NINL: variants seen among roughly 807,000 people sequenced by gnomAD.
NINL encodes ninein-like protein.
Under a neutral mutation model 160.3 loss-of-function variants are expected in NINL, and 153 were observed. The ratio of observed to expected loss-of-function variants is 0.95; its 90% CI spans 0.84 to 1.09. The LOEUF is 1.09. Ranked by LOEUF, NINL falls within the 50% of genes least tolerant of loss-of-function variation. The pLI is 0.00. For synonymous variants in NINL, 800 were observed against 734.8 expected (o/e 1.09, Z -1.43); for missense variants, 1,829 against 1,764.0 (o/e 1.04, Z -0.66).
intron 23 of NINL, among the ~76,000 whole-genome samples, chr20:25,454,965 C>G (rs1302686259): frequency 1.3e-5 from 2 of 152,108 alleles, no homozygotes; most frequent in Admixed American, 6.5e-5. Context: ...ATGATAAAAC[C>G]CAAACCCCTG....
intron 1 of NINL, among the ~76,000 whole-genome samples, chr20:25,548,613 G>A (rs1209167673): frequency 1.5e-5 from 2 of 130,844 alleles, no homozygotes; most frequent in African/African-American, 2.9e-5. Context: ...GCCTGACCCC[G>A]AGCACCTACG....
chr20:25,545,134 G>C (rs1299703842), intron 1 of NINL, among the ~76,000 whole-genome samples: 1 of 152,186 alleles, frequency 6.6e-6, no homozygotes, highest in Non-Finnish European at 1.5e-5. Flanking sequence ...TTCCTTTAAA[G>C]TGCAGAAGGC....
intron 1 of NINL, among the ~76,000 whole-genome samples, chr20:25,584,116 C>T (rs1428969742): frequency 6.6e-6 from 1 of 152,148 alleles, no homozygotes; most frequent in Non-Finnish European, 1.5e-5. Flanking sequence ...CAAACCAGAA[C>T]GTTCTGCACA....
chr20:25,556,918 CA>C (rs1412466366), intron 1 of NINL, among the ~76,000 whole-genome samples: 2 of 152,040 alleles, frequency 1.3e-5, no homozygotes, highest in Non-Finnish European at 1.5e-5. Context: ...TGAGAGCAAC[CA>C]AAAACAGGAG....
At position 25,467,586 on chromosome 20, in the gene NINL, T is replaced by G. The variant is rs1225793266; in HGVS notation, c.3354-128A>C. 4 of 724,114 alleles carry G rather than the reference T, an allele frequency of 5.5e-6. No homozygotes were observed. The African/African-American group carries it at 6.9e-5, about 13-fold the overall frequency. 44.9% of individuals were successfully genotyped at this position (724,114 alleles called of 1,614,324 possible). A position where few individuals can be genotyped will look rare whatever the true frequency, so the allele number is the denominator to read the frequency against. ...CAGCAGAGACGCCCACACCTGCCCC[T>G]GGCATTCTCCAGCCCCTCTCAGTCC... On this transcript the variant is annotated intron_variant, in intron 18 of 23. Coordinates refer to ENST00000278886, the MANE Select transcript of NINL (RefSeq NM_025176.6).
At position 25,476,527 on chromosome 20, in the gene NINL, C is replaced by G; in HGVS notation, c.2764G>C (p.Glu922Gln). The change falls in exon 17 of 24, where the codon GAG (glutamate) becomes CAG (glutamine). Residue 922 changes from glutamate (E) to glutamine (Q), a missense_variant. Coordinates refer to ENST00000278886, the MANE Select transcript of NINL (RefSeq NM_025176.6). ...GCGCTCGCGCCGAAAGGCTCTGGCT[C>G]CTTTGGGACAATATCCCCATCCACT... Reference protein sequence around the residue: ...CGVDGDIVPKEPEPFGASAAG... With the variant: ...CGVDGDIVPKQPEPFGASAAG... 5.6e-6 allele frequency: 9 copies of G among 1,601,062 alleles called. No homozygotes were observed. Among genetic ancestry groups the G allele is most frequent in the Non-Finnish European group, 7.6e-6 (9 of 1,179,838 alleles).
At chr20:25,479,786 C>T (rs954770016) in intron 15 of NINL, among the ~76,000 whole-genome samples, 1 of 152,232 alleles carries the variant, frequency 6.6e-6, no homozygotes, top group Non-Finnish European at 1.5e-5. Context: ...GGCCTCAAAG[C>T]CACTGAGCTA....
intron 1 of NINL, among the ~76,000 whole-genome samples, chr20:25,561,690 G>A (rs368949037): frequency 0.16 from 23,011 of 145,022 alleles, 2,027 homozygotes; most frequent in East Asian, 0.34. Flanking sequence ...CCGCCGCCCC[G>A]TCTGGGATGT....
At chr20:25,504,199 G>T in intron 6 of NINL, 95 bp from the exon 7 acceptor site, 1 of 1,328,752 alleles carries the variant, frequency 7.5e-7, no homozygotes, top group South Asian at 1.4e-5. Context: ...CTGGTTCCAA[G>T]TACCCAACAA....
chr20:25,515,088 T>C (rs993844403), intron 3 of NINL, among the ~76,000 whole-genome samples: 4 of 152,134 alleles, frequency 2.6e-5, no homozygotes, highest in East Asian at 1.9e-4. Context: ...GACCCTAGAA[T>C]GGTAGATCCA....
At chr20:25,453,741 G>GT (rs2090594860) in intron 23 of NINL, 99 bp from the exon 24 acceptor site, 1 of 1,151,652 alleles carries the variant, frequency 8.7e-7, no homozygotes, top group Non-Finnish European at 1.2e-6. Flanking sequence ...GCAAACCACA[G>GT]TTTTGGGCTC....
chr20:25,540,141 G>A, intron 1 of NINL: 1 of 808,366 alleles, frequency 1.2e-6, no homozygotes, highest in Non-Finnish European at 1.8e-6. Flanking sequence ...AATCTGGCCA[G>A]CATTCAGCAG....
intron 1 of NINL, among the ~76,000 whole-genome samples, chr20:25,535,713 A>G (rs933071530): frequency 6.6e-6 from 1 of 152,100 alleles, no homozygotes; most frequent in African/African-American, 2.4e-5. Context: ...ATAAAGAAAG[A>G]AAAGTGTTCA....
chr20:25,470,200 C>T, intron 17 of NINL, 105 bp from the exon 18 acceptor site: 1 of 831,270 alleles, frequency 1.2e-6, no homozygotes, highest in South Asian at 1.4e-5. Flanking sequence ...GTCCCCATCT[C>T]CCCGTCCCTG....
At position 25,469,996 on chromosome 20, in the gene NINL, T is replaced by C; in HGVS notation, c.3348A>G (p.Ala1116=). 6.2e-7 allele frequency: 1 copy of C among 1,613,704 alleles called. No individual in the cohort carries two copies. Residue 1116 remains alanine (A), a synonymous_variant, in exon 18 of 24, where the codon GCA becomes GCG. Coordinates refer to ENST00000278886, the MANE Select transcript of NINL (RefSeq NM_025176.6). The stretch of plus-strand genomic sequence containing the variant: ...GGTAGGGGCGTGGCCCTTACCTCTG[T>C]GCATCGTGAGTACTTTCTGCAGCTT... ...ELEAAESTHD[A]QRKEIEVLKK... is the part of the protein sequence containing the mutation.
chr20:25,498,485 T>C (rs1405890923), intron 8 of NINL, 139 bp from the exon 9 acceptor site: 1 of 1,147,520 alleles, frequency 8.7e-7, no homozygotes, highest in East Asian at 2.6e-5. Context: ...TGCCAAGGTC[T>C]CTGCGTCTTG....
Position 25,498,297 on chromosome 20 carries a change from C to G in NINL, c.1082G>C (p.Trp361Ser). The change falls in exon 9 of 24, where the codon TGG (tryptophan) becomes TCG (serine). Residue 361 changes from tryptophan (W) to serine (S), a missense_variant. Coordinates refer to ENST00000278886, the MANE Select transcript of NINL (RefSeq NM_025176.6). ...DEKVNLLELT[W>S]ALDNELMTVD... ...TGTCATGAGCTCGTTGTCAAGGGCC[C>G]AGGTCAGCTCCAGAAGGTTCACCTT... 6.2e-7 allele frequency: 1 copy of G among 1,613,360 alleles called. No homozygotes were observed. The highest frequency in any genetic ancestry group is 1.1e-5 in the South Asian group (1 of 91,046).
Position 25,518,549 on chromosome 20 carries a change from A to C in NINL, c.181-700T>G, listed in dbSNP as rs930736978. Among the ~76,000 whole-genome samples, 6 of 152,152 alleles carry C rather than the reference A, an allele frequency of 3.9e-5. 1 individual carries two copies. Among genetic ancestry groups the C allele is most frequent in the Admixed American group, 3.3e-4 (5 of 15,284 alleles). ...ATATTATCTTTTTATTGAATTTTTC[A>C]TTCCAATTTTTAATATCCTTATGTT... On this transcript the variant is annotated intron_variant, in intron 2 of 23. Transcript: ENST00000278886.
intron 1 of NINL, among the ~76,000 whole-genome samples, chr20:25,559,911 A>G (rs758737262): frequency 1.3e-5 from 2 of 151,832 alleles, no homozygotes; most frequent in Admixed American, 1.3e-4. Flanking sequence ...CCCGCCTTGC[A>G]TGATGCCTAC....
Sources: gnomAD v4.1 joint callset for allele counts (sites outside exome capture counted in the v4.1 genomes callset) on GRCh38, gnomAD v4.1.1 for gene constraint, MANE v1.5 for transcripts, NCBI Gene and HGNC (gene_info 2026-07-23, HGNC 2026-07-21) for gene names.